The following TOP1 variants were observed in gnomAD, a reference collection of about 807,000 sequenced individuals.
TOP1 encodes the protein DNA topoisomerase I.
In TOP1, 10 loss-of-function variants were observed where a neutral mutation model predicts 111.1. The observed-to-expected ratio is 0.09, with a 90% CI of 0.06 to 0.15. The LOEUF (loss-of-function observed/expected upper bound fraction) is 0.15, where lower values mean the gene tolerates loss of function less well. Among genes scored for constraint, TOP1 ranks in the 10% least tolerant of loss-of-function variants. The pLI is 1.00. For synonymous variants in TOP1, 271 were observed against 302.9 expected, an observed-to-expected ratio of 0.89 and a Z score of 1.10; for missense variants, 474 against 926.7, an observed-to-expected ratio of 0.51 and a Z score of 6.34.
At chr20:41,073,071 G>A (rs113001472) in intron 3 of TOP1, 4 of 985,330 alleles carry the variant, frequency 4.1e-6, no homozygotes, top group African/African-American at 1.7e-5. Flanking sequence ...TTGACTTTTG[G>A]CTTCCTGGCA....
intron 3 of TOP1, among the ~76,000 whole-genome samples, chr20:41,075,459 C>T (rs1291025770): frequency 1.3e-5 from 2 of 152,352 alleles, no homozygotes; most frequent in East Asian, 1.9e-4. Flanking sequence ...GCGTGAGCCA[C>T]CGCGCCCAGC....
rs1400749718 is a variant in TOP1 at position 41,098,947 on chromosome 20, T to C, written c.975+610T>C. 1 of 152,198 alleles carries C rather than the reference T, an allele frequency of 6.6e-6. No homozygotes were observed. Among genetic ancestry groups the C allele is most frequent in the Non-Finnish European group, 1.5e-5 (1 of 68,040 alleles). 9.4% of individuals were successfully genotyped at this position (152,198 alleles called of 1,614,324 possible). ...GATGAGTAGTTGCAAAAGAGAGTAG[T>C]TGCAAAAGAGACTGTGTGGCACTCA... On this transcript the variant is annotated intron_variant, in intron 11 of 20. Coordinates refer to ENST00000361337, the MANE Select transcript of TOP1 (RefSeq NM_003286.4). The surrounding 1 kb of genome is among the most constrained non-coding windows in gnomAD (Gnocchi z 5.7).
At position 41,095,042 on chromosome 20, in the gene TOP1, T is replaced by C; in HGVS notation, c.731-2178T>C. On this transcript the variant is annotated intron_variant, in intron 9 of 20. Transcript: ENST00000361337. The surrounding 1 kb of genome is among the most constrained non-coding windows in gnomAD (Gnocchi z 4.6). ...AAAACAGCCCAAAATCTCATTTTTT[T>C]TAAATTTATTTTTATATTTATTTAT... 6.6e-6 allele frequency among the ~76,000 whole-genome samples: 1 copy of C among 152,078 alleles called. No homozygotes were observed. Among genetic ancestry groups the C allele is most frequent in the East Asian group, 1.9e-4 (1 of 5,184 alleles).
In TOP1 at chr20:41,076,257, A is replaced by G. The variant is rs2033726295; in HGVS notation, c.242A>G (p.His81Arg). 6.2e-7 allele frequency: 1 copy of G among 1,607,458 alleles called. No individual in the cohort carries two copies. Among genetic ancestry groups the G allele is most frequent in the Admixed American group, 1.7e-5 (1 of 59,842 alleles). Residue 81 changes from histidine to arginine, a missense_variant, in exon 4 of 21, where the codon CAT (histidine) becomes CGT (arginine). By Grantham distance (29) the His-to-Arg change is conservative (BLOSUM62 0). Around this residue, in one of 14 missense-constraint regions of TOP1, gnomAD observed 185 missense variants for 226.3 expected, o/e 0.82. Coordinates refer to ENST00000361337, the MANE Select transcript of TOP1 (RefSeq NM_003286.4). ...AGCTCAGAAAAGCATAAAGACAAAC[A>G]TAAAGACAGAGACAAGGAAAAACGA... ...DGSSEKHKDK[H>R]KDRDKEKRKE...
At chr20:41,077,518 C>T (rs1181223021) in intron 4 of TOP1, 64 bp from the exon 5 acceptor site, 1 of 1,352,586 alleles carries the variant, frequency 7.4e-7, no homozygotes, top group African/African-American at 1.4e-5. Context: ...TACATATTCT[C>T]AAAAAGAGGT....
In TOP1 at chr20:41,092,832, A is replaced by G. The variant is rs572127986; in HGVS notation, c.730+245A>G. Among the ~76,000 whole-genome samples, 1 of 152,346 alleles carries G rather than the reference A, an allele frequency of 6.6e-6. No individual in the cohort carries two copies. The highest frequency in any genetic ancestry group is 6.5e-5 in the Admixed American group (1 of 15,298). On this transcript the variant is annotated intron_variant, in intron 9 of 20. Transcript: ENST00000361337. The surrounding 1 kb of genome is among the most constrained non-coding windows in gnomAD (Gnocchi z 4.3). Reference sequence around the variant, plus strand: ...TACATAGTCCAAAAAAGGTTTGTCAACATGGCTAACAGTGTGTGGTCCACA... The same window carrying G: ...TACATAGTCCAAAAAAGGTTTGTCAGCATGGCTAACAGTGTGTGGTCCACA...
At position 41,073,185 on chromosome 20, in the gene TOP1, G is replaced by T. The variant is rs542181099; in HGVS notation, c.156-2986G>T. The T allele has an allele frequency of 7.9e-5, 78 of 985,304 alleles. No homozygotes were observed. The African/African-American group carries it at 1.2e-3, about 15-fold the overall frequency. The allele number at this position is 985,304 out of a possible 1,614,324, so 61.0% of individuals were successfully genotyped here. ...AAACCGCAGGGCTACATGTACACTT[G>T]TAGGTACCTATGTTGTGATTGCCAA... On this transcript the variant is annotated intron_variant, in intron 3 of 20. Coordinates refer to ENST00000361337, the MANE Select transcript of TOP1 (RefSeq NM_003286.4).
intron 8 of TOP1, among the ~76,000 whole-genome samples, chr20:41,085,927 T>C (rs886995182): frequency 5.3e-5 from 8 of 152,142 alleles, no homozygotes; most frequent in Non-Finnish European, 7.4e-5. Flanking sequence ...AAAAGGAATA[T>C]CACAGAGCAG....
chr20:41,073,439 C>T (rs1291481687), intron 3 of TOP1: 2 of 984,658 alleles, frequency 2.0e-6, no homozygotes, highest in Non-Finnish European at 2.4e-6. Flanking sequence ...AGGTTTTTAT[C>T]CTTTCAGGTA....
At position 41,121,981 on chromosome 20, in the gene TOP1, C is replaced by A. The variant is rs1159496770; in HGVS notation, c.2046-25C>A. 2.5e-6 allele frequency: 4 copies of A among 1,612,788 alleles called. No individual in the cohort carries two copies. The highest frequency in any genetic ancestry group is 3.4e-6 in the Non-Finnish European group (4 of 1,179,542). ...TCTTGTCTAGAGCCCAGGCCTGGTT[C>A]TTGAGGACTTTGCTATTCTTCTAGG... On this transcript the variant is annotated intron_variant, in intron 19 of 20. Transcript: ENST00000361337. This position sits in a 1 kb window ranked among gnomAD's most constrained non-coding sequence, Gnocchi z 4.2.
At chr20:41,088,079 A>T (rs1275189895) in intron 8 of TOP1, among the ~76,000 whole-genome samples, 1 of 152,214 alleles carries the variant, frequency 6.6e-6, no homozygotes, top group Non-Finnish European at 1.5e-5. Context: ...TTCTGTTTAA[A>T]CTGAAGTTTA....
intron 3 of TOP1, among the ~76,000 whole-genome samples, chr20:41,068,326 AG>A (rs1029144476): frequency 5.3e-5 from 8 of 152,272 alleles, no homozygotes; most frequent in African/African-American, 1.7e-4. Context: ...CTCACACCAA[AG>A]TTAGAAGATA....
At chr20:41,049,321 G>T (rs1233453033) in intron 2 of TOP1, among the ~76,000 whole-genome samples, 2 of 152,190 alleles carry the variant, frequency 1.3e-5, no homozygotes, top group East Asian at 1.9e-4. Flanking sequence ...TGTTGCAGAG[G>T]TGATAACAAA....
At chr20:41,108,070 A>G (rs1248819874) in intron 13 of TOP1, among the ~76,000 whole-genome samples, 1 of 152,204 alleles carries the variant, frequency 6.6e-6, no homozygotes, top group South Asian at 2.1e-4. Context: ...AATAACAGAT[A>G]TGTTTTTGTA....
At chr20:41,088,939 C>T (rs953490612) in intron 8 of TOP1, among the ~76,000 whole-genome samples, 1 of 151,506 alleles carries the variant, frequency 6.6e-6, no homozygotes, top group Non-Finnish European at 1.5e-5. Context: ...TGTGCACCAT[C>T]ACCATCTCCA....
chr20:41,094,293 T>C lies in TOP1; in HGVS notation c.730+1706T>C, dbSNP rs1489621965. Among the ~76,000 whole-genome samples, 6 of 152,148 alleles carry C rather than the reference T, an allele frequency of 3.9e-5. No individual in the cohort carries two copies. The highest frequency in any genetic ancestry group is 7.3e-5 in the Non-Finnish European group (5 of 68,036). The stretch of plus-strand genomic sequence containing the variant: ...TCACGCTGGTCATTCCTGGAGACTC[T>C]TAACTATAACTCAAAGCCAAAACTC... On this transcript the variant is annotated intron_variant, in intron 9 of 20. Coordinates refer to ENST00000361337, the MANE Select transcript of TOP1 (RefSeq NM_003286.4). This position sits in a 1 kb window ranked among gnomAD's most constrained non-coding sequence, Gnocchi z 4.4.
Position 41,121,659 on chromosome 20 carries a change from C to T in TOP1, c.1951-37C>T, listed in dbSNP as rs41276998. ...CTTCTCAGGTGGAGCCATTTTTCCT[C>T]TACAGCTCATAACCTTACCACTATT... On this transcript the variant is annotated intron_variant, in intron 18 of 20. Coordinates refer to ENST00000361337, the MANE Select transcript of TOP1 (RefSeq NM_003286.4). The surrounding 1 kb of genome is among the most constrained non-coding windows in gnomAD (Gnocchi z 4.2). 4 of 1,559,964 alleles carry T rather than the reference C, an allele frequency of 2.6e-6. No individual in the cohort carries two copies. The highest frequency in any genetic ancestry group is 3.5e-6 in the Non-Finnish European group (4 of 1,131,024).
At chr20:41,036,342 G>A (rs1192465967) in intron 2 of TOP1, among the ~76,000 whole-genome samples, 1 of 151,970 alleles carries the variant, frequency 6.6e-6, no homozygotes, top group Non-Finnish European at 1.5e-5. Flanking sequence ...AGACAGCTGT[G>A]GTAAAATAGA....
At chr20:41,060,613 T>TTTA (rs1169830380) in intron 2 of TOP1, among the ~76,000 whole-genome samples, 1 of 152,174 alleles carries the variant, frequency 6.6e-6, no homozygotes, top group Non-Finnish European at 1.5e-5. Flanking sequence ...CTTTGAAATG[T>TTTA]TTATTATTAC....
Sources: gnomAD v4.1 joint callset for allele counts (sites outside exome capture counted in the v4.1 genomes callset) on GRCh38, gnomAD v4.1.1 for gene constraint, gnomAD v4.1.1 regional missense constraint, Gnocchi (gnomAD v3.1) non-coding constraint, MANE v1.5 for transcripts, NCBI Gene and HGNC (gene_info 2026-07-23, HGNC 2026-07-21) for gene names.